MYO5B: variants seen among roughly 807,000 people sequenced by gnomAD.
MYO5B encodes myosin VB.
In MYO5B, 143 loss-of-function variants were observed where a neutral mutation model predicts 229.3. The ratio of observed to expected loss-of-function variants is 0.62; its 90% confidence interval spans 0.54 to 0.72. MYO5B has a LOEUF of 0.72. Ranked by LOEUF, MYO5B falls within the 30% of genes least tolerant of loss-of-function variation. The pLI is 0.00. For synonymous variants in MYO5B, 918 were observed against 885.2 expected (o/e 1.04, Z -0.66); for missense variants, 2,321 against 2,331.0 (o/e 1.00, Z 0.09).
At position 49,984,821 on chromosome 18, in the gene MYO5B, A is replaced by C. The variant is rs573551022; in HGVS notation, c.843T>G (p.Ser281Arg). The C allele has an allele frequency of 1.2e-6, 2 of 1,604,422 alleles. No homozygotes were observed. Among genetic ancestry groups the C allele is most frequent in the Non-Finnish European group, 1.7e-6 (2 of 1,171,150 alleles). The change falls in exon 8 of 40, where the codon AGT (serine) becomes AGG (arginine). Residue 281 changes from serine to arginine, a missense_variant. Ser to Arg is a moderately radical substitution (Grantham distance 110, BLOSUM62 -1). Transcript: ENST00000285039. ...LPEFKELALT[S>R]AEDFFYTSQG... ...GTGATGTATAGAAAAAGTCCTCTGC[A>C]CTTGCTGTGGGAGGCGAGGAAATAA...
At chr18:49,990,364 G>A in intron 7 of MYO5B, 75 bp downstream of exon 7, 1 of 1,285,470 alleles carries the variant, frequency 7.8e-7, no homozygotes, top group African/African-American at 1.5e-5. Flanking sequence ...GGAGGGCTTT[G>A]AGCAGAGCCC....
At chr18:49,899,314 A>C (rs920984089) in intron 21 of MYO5B, among the ~76,000 whole-genome samples, 1 of 152,202 alleles carries the variant, frequency 6.6e-6, no homozygotes, top group African/African-American at 2.4e-5. Flanking sequence ...CAATGAAACA[A>C]GCCCCTATAT....
chr18:50,043,357 A>AT (rs1555653662), intron 2 of MYO5B, among the ~76,000 whole-genome samples: 2 of 82,288 alleles, frequency 2.4e-5, no homozygotes, highest in African/African-American at 4.8e-5. Context: ...TATATAATAT[A>AT]AATATATTAT....
chr18:49,950,866 G>A (rs1207958456), intron 14 of MYO5B, among the ~76,000 whole-genome samples: 1 of 152,144 alleles, frequency 6.6e-6, no homozygotes, highest in Non-Finnish European at 1.5e-5. Flanking sequence ...TCCTTAGAAA[G>A]GCTGCTTGAC....
intron 4 of MYO5B, among the ~76,000 whole-genome samples, chr18:50,023,720 C>T (rs1289637617): frequency 6.6e-6 from 1 of 152,170 alleles, no homozygotes; most frequent in Non-Finnish European, 1.5e-5. Context: ...CTAGCAGCTG[C>T]TCCAGAAAAG....
chr18:50,021,109 G>GCA (rs1158116756), intron 4 of MYO5B, among the ~76,000 whole-genome samples: 20 of 152,160 alleles, frequency 1.3e-4, no homozygotes, highest in Admixed American at 1.0e-3. Flanking sequence ...GAACATATAT[G>GCA]CACACACAAG....
At chr18:50,165,601 C>T (rs1392704880) in intron 1 of MYO5B, among the ~76,000 whole-genome samples, 2 of 152,158 alleles carry the variant, frequency 1.3e-5, no homozygotes, top group Non-Finnish European at 2.9e-5. Flanking sequence ...TATGATGAAA[C>T]CCCATCTCTA....
At chr18:50,144,664 G>A (rs1352965961) in intron 1 of MYO5B, among the ~76,000 whole-genome samples, 2 of 152,168 alleles carry the variant, frequency 1.3e-5, no homozygotes, top group Non-Finnish European at 2.9e-5. Flanking sequence ...ATAAAGCACT[G>A]CTTGGGATGA....
intron 5 of MYO5B, among the ~76,000 whole-genome samples, chr18:50,000,699 G>A (rs2026036804): frequency 6.6e-6 from 1 of 152,200 alleles, no homozygotes; most frequent in African/African-American, 2.4e-5. Flanking sequence ...TGAAGACACA[G>A]ATGGGGCCTG....
intron 1 of MYO5B, among the ~76,000 whole-genome samples, chr18:50,088,600 C>A (rs73448707): frequency 0.043 from 6,488 of 152,306 alleles, 148 homozygotes; most frequent in African/African-American, 0.054. Flanking sequence ...CCCATAGCCT[C>A]ACCCTCTTTC....
At chr18:50,131,952 C>T (rs374835419) in intron 1 of MYO5B, among the ~76,000 whole-genome samples, 1 of 152,160 alleles carries the variant, frequency 6.6e-6, no homozygotes, top group African/African-American at 2.4e-5. Flanking sequence ...GAAGAGAGAA[C>T]ATTTATCATT....
rs536095099 is a variant in MYO5B at position 50,035,728 on chromosome 18, A to G, written c.455+1122T>C. On this transcript the variant is annotated intron_variant, in intron 4 of 39. Transcript: ENST00000285039. ...GGTCTTTCTTTTGGCATTAGAGAAAAGTGAAAGATTGCAATAATTTTAGCT... is the reference window on the plus strand; with the variant it reads ...GGTCTTTCTTTTGGCATTAGAGAAAGGTGAAAGATTGCAATAATTTTAGCT... Among the ~76,000 whole-genome samples the G allele has an allele frequency of 2.0e-5, 3 of 152,370 alleles. No homozygotes were observed. The East Asian group carries it at 5.8e-4, about 29-fold the overall frequency.
At chr18:50,052,286 C>G (rs1346445933) in intron 2 of MYO5B, among the ~76,000 whole-genome samples, 1 of 151,468 alleles carries the variant, frequency 6.6e-6, no homozygotes, top group African/African-American at 2.4e-5. Context: ...TTCACAATAG[C>G]AAAGACTTGG....
chr18:49,956,840 G>T (rs2144251049), intron 12 of MYO5B, among the ~76,000 whole-genome samples: 1 of 152,166 alleles, frequency 6.6e-6, no homozygotes, highest in Non-Finnish European at 1.5e-5. Context: ...AAAAGTAAAG[G>T]TCCCATCTGT....
At chr18:49,962,142 C>T (rs182123598) in intron 12 of MYO5B, 124 bp downstream of exon 12, 64 of 1,287,560 alleles carry the variant, frequency 5.0e-5, no homozygotes, top group South Asian at 4.3e-4. Context: ...AGCCTGCCAA[C>T]GCTTCTTCCA....
intron 12 of MYO5B, among the ~76,000 whole-genome samples, chr18:49,955,650 T>C (rs2025484521): frequency 6.6e-6 from 1 of 152,228 alleles, no homozygotes; most frequent in Admixed American, 6.5e-5. Flanking sequence ...CATTTTGGCA[T>C]AACTAATATT....
At chr18:49,925,778 A>C (rs1292483116) in intron 17 of MYO5B, among the ~76,000 whole-genome samples, 1 of 152,200 alleles carries the variant, frequency 6.6e-6, no homozygotes, top group Non-Finnish European at 1.5e-5. Flanking sequence ...TAGTTCTTAA[A>C]TTGGATGAAG....
chr18:49,908,007 G>A (rs560288334), intron 18 of MYO5B, among the ~76,000 whole-genome samples: 4 of 152,356 alleles, frequency 2.6e-5, no homozygotes, highest in Middle Eastern at 3.4e-3. Context: ...GCTCAGCCAG[G>A]AGGGGTTAGG....
rs766525225 is a variant in MYO5B, at chr18:49,902,653, G to A, written c.2752C>T (p.Arg918Cys). The A allele has an allele frequency of 1.7e-5, 28 of 1,613,230 alleles. No homozygotes were observed. Among genetic ancestry groups the A allele is most frequent in the Admixed American group, 3.3e-5 (2 of 59,998 alleles). The stretch of plus-strand genomic sequence containing the variant: ...TTGTTCTCCATGCCCACGTTGAGAC[G>A]TTTCAGATGCTCTGCTGAGCGGGCC... ...IEARSAEHLKRLNVGMENKVV... is the reference protein window; with the variant it reads ...IEARSAEHLKCLNVGMENKVV... Residue 918 changes from arginine (R) to cysteine (C), a missense_variant, in exon 21 of 40, where the codon CGT (arginine) becomes TGT (cysteine). Coordinates refer to ENST00000285039, the MANE Select transcript of MYO5B (RefSeq NM_001080467.3).
Sources: allele counts gnomAD v4.1 joint callset (sites outside exome capture counted in the v4.1 genomes callset), GRCh38; gene constraint gnomAD v4.1.1; transcripts MANE v1.5; gene names NCBI Gene and HGNC (gene_info 2026-07-23, HGNC 2026-07-21).